MICAL3: variants seen among roughly 807,000 people sequenced by gnomAD.
MICAL3 encodes the protein microtubule associated monooxygenase, calponin and LIM domain containing 3, also known as [F-actin]-monooxygenase MICAL3.
A neutral mutation model predicts 207.4 loss-of-function variants in MICAL3; 62 were observed. The observed-to-expected ratio is 0.30, with a 90% confidence interval of 0.24 to 0.37. MICAL3 has a LOEUF of 0.37. MICAL3 is among the 10% of genes least tolerant of loss of function. The pLI is 1.00. For missense variants in MICAL3, 2,368 were observed against 2,635.6 expected (o/e 0.90, Z 2.22); for synonymous variants, 1,077 against 1,069.3 (o/e 1.01, Z -0.14).
At chr22:17,937,931 C>T (rs1933617141) in intron 1 of MICAL3, among the ~76,000 whole-genome samples, 1 of 152,206 alleles carries the variant, frequency 6.6e-6, no homozygotes, top group African/African-American at 2.4e-5. Context: ...TTCTGGCAAA[C>T]AGTTATATTT....
chr22:17,893,614 A>T (rs1363315308), intron 11 of MICAL3, among the ~76,000 whole-genome samples, 194 bp downstream of exon 11: 2 of 152,080 alleles, frequency 1.3e-5, no homozygotes, highest in Non-Finnish European at 2.9e-5. Context: ...GCCCACCCCC[A>T]ATCATGACCA....
intron 1 of MICAL3, among the ~76,000 whole-genome samples, chr22:17,962,357 C>T (rs774445744): frequency 3.9e-5 from 6 of 152,228 alleles, no homozygotes; most frequent in African/African-American, 1.2e-4. Flanking sequence ...ACCGGAGGCA[C>T]GCACTCAGCA....
chr22:17,832,080 C>G lies in MICAL3; in HGVS notation c.2829G>C (p.Glu943Asp). Reference sequence around the variant, plus strand: ...GAGGCTCCTCCTCCTCCTCCTCTCCCTCCTCCTCCATCTCAGACTCGGAAC... The same window carrying G: ...GAGGCTCCTCCTCCTCCTCCTCTCCGTCCTCCTCCATCTCAGACTCGGAAC... ...SSSSESEMEEEGEEEEEEPRL... is the reference protein window; with the variant it reads ...SSSSESEMEEDGEEEEEEPRL... Residue 943 changes from glutamate (E) to aspartate (D), a missense_variant, in exon 21 of 32, where the codon GAG becomes GAC. Glu to Asp is a conservative substitution (Grantham distance 45). This residue lies in a region of MICAL3 where 1,770 missense variants were observed against 1,863.2 expected (regional missense o/e 0.95). Transcript: ENST00000441493. 6.3e-7 allele frequency: 1 copy of G among 1,583,670 alleles called. No homozygotes were observed. Among genetic ancestry groups the G allele is most frequent in the Non-Finnish European group, 8.6e-7 (1 of 1,164,846 alleles).
intron 1 of MICAL3, among the ~76,000 whole-genome samples, chr22:17,978,329 T>C (rs1935747157): frequency 6.6e-6 from 1 of 152,208 alleles, no homozygotes; most frequent in Non-Finnish European, 1.5e-5. Flanking sequence ...ACATGAAATG[T>C]TCAGAATAGC....
intron 16 of MICAL3, chr22:17,876,820 G>A (rs35171496): frequency 8.4e-4 from 46 of 54,686 alleles, no homozygotes; most frequent in African/African-American, 3.4e-3. Context: ...AGGGAGGTTA[G>A]GGAGGTTATG....
At chr22:17,864,128 A>G in intron 19 of MICAL3, 2 of 987,418 alleles carry the variant, frequency 2.0e-6, no homozygotes, top group Non-Finnish European at 2.4e-6. Flanking sequence ...GAAAATCTAC[A>G]TAATTCTTCC....
intron 1 of MICAL3, among the ~76,000 whole-genome samples, chr22:17,931,003 C>T (rs1430017740): frequency 6.6e-6 from 1 of 152,222 alleles, no homozygotes; most frequent in Non-Finnish European, 1.5e-5. Context: ...TCCGGTGGCT[C>T]CACCTCCGCA....
chr22:17,982,207 G>A (rs1380600372), intron 1 of MICAL3, among the ~76,000 whole-genome samples: 4 of 152,196 alleles, frequency 2.6e-5, no homozygotes, highest in Non-Finnish European at 4.4e-5. Flanking sequence ...AGGTGGTGAC[G>A]GCACTTGTGG....
chr22:17,849,694 T>C (rs1354211915), intron 19 of MICAL3, among the ~76,000 whole-genome samples: 1 of 135,208 alleles, frequency 7.4e-6, no homozygotes, highest in Non-Finnish European at 1.6e-5. Context: ...GTGTATTTTT[T>C]TTTTTTTTTT....
At chr22:17,798,900 C>T (rs1297496977) in intron 29 of MICAL3, among the ~76,000 whole-genome samples, 2 of 151,894 alleles carry the variant, frequency 1.3e-5, no homozygotes, top group African/African-American at 2.4e-5. Context: ...GTCTCGATCT[C>T]CTGACCTTGT....
chr22:17,857,196 T>A (rs1027976967), intron 19 of MICAL3, among the ~76,000 whole-genome samples: 2 of 152,172 alleles, frequency 1.3e-5, no homozygotes, highest in South Asian at 4.1e-4. Context: ...CCACCGCCTG[T>A]CAGGAACCAG....
At chr22:17,973,182 A>T (rs1325813398) in intron 1 of MICAL3, among the ~76,000 whole-genome samples, 1 of 152,222 alleles carries the variant, frequency 6.6e-6, no homozygotes, top group Non-Finnish European at 1.5e-5. Context: ...GTGTGCATGC[A>T]GACAGAGGCG....
Position 17,818,146 on chromosome 22 carries a change from G to C in MICAL3, c.4515C>G (p.Pro1505=). 2.5e-6 allele frequency: 4 copies of C among 1,605,544 alleles called. No homozygotes were observed. The highest frequency in any genetic ancestry group is 3.4e-6 in the Non-Finnish European group (4 of 1,176,800). ...CAAACGACTTCCGCACCTCCTCTCT[G>C]GGGGGCTGAGCAGGCTCCCGGGGGG... ...MRPPREPAQP[P]REEVRKSFVE... The change falls in exon 26 of 32, where the codon CCC becomes CCG. Residue 1505 remains proline (P), a synonymous_variant. Transcript: ENST00000441493.
intron 29 of MICAL3, among the ~76,000 whole-genome samples, chr22:17,792,686 A>C (rs2061836352): frequency 6.6e-6 from 1 of 152,214 alleles, no homozygotes; most frequent in East Asian, 1.9e-4. Context: ...CATGTTCAAC[A>C]AGCAGGGGTT....
intron 19 of MICAL3, among the ~76,000 whole-genome samples, chr22:17,857,508 C>G (rs778894089): frequency 6.6e-6 from 1 of 152,212 alleles, no homozygotes; most frequent in African/African-American, 2.4e-5. Flanking sequence ...TGGCTCTTCT[C>G]CCGCAGGTGC....
At chr22:17,926,284 C>G (rs568265555) in intron 1 of MICAL3, among the ~76,000 whole-genome samples, 1 of 152,220 alleles carries the variant, frequency 6.6e-6, no homozygotes, top group Non-Finnish European at 1.5e-5. Context: ...CCAACAACAG[C>G]CTGGCTTGGA....
rs189510394 is a variant in MICAL3, at chr22:17,823,011, G to A, written c.3243C>T (p.Ala1081=). The A allele has an allele frequency of 2.0e-4, 320 of 1,613,816 alleles. No homozygotes were observed. In the Middle Eastern group the frequency reaches 2.5e-3, roughly 12 times the overall value. ...CCTCTGCTGCCTCCCCTTCTATCTC[G>A]GCTGGTTCTGAGTCCACATCTTCCT... ...DLEEDVDSEP[A]EIEGEAAEDG... The change falls in exon 23 of 32, where the codon GCC becomes GCT. Residue 1081 remains alanine, a synonymous_variant. Coordinates refer to ENST00000441493, the MANE Select transcript of MICAL3 (RefSeq NM_015241.3).
intron 27 of MICAL3, chr22:17,812,692 G>A (rs1358912007): frequency 7.2e-6 from 2 of 278,652 alleles, no homozygotes; most frequent in African/African-American, 2.3e-5. Context: ...CTTAAAACAC[G>A]AGATTATTTT....
At chr22:17,847,903 G>A (rs1924808983) in intron 19 of MICAL3, among the ~76,000 whole-genome samples, 1 of 152,106 alleles carries the variant, frequency 6.6e-6, no homozygotes, top group African/African-American at 2.4e-5. Flanking sequence ...GGGCTCAAAC[G>A]ATCCTCCCAG....
Sources: gnomAD v4.1 joint callset for allele counts (sites outside exome capture counted in the v4.1 genomes callset) on GRCh38, gnomAD v4.1.1 for gene constraint, gnomAD v4.1.1 regional missense constraint, MANE v1.5 for transcripts, NCBI Gene and HGNC (gene_info 2026-07-23, HGNC 2026-07-21) for gene names.